LMBRD1: variants seen among roughly 807,000 people sequenced by gnomAD.
The protein encoded by LMBRD1 is lysosomal cobalamin transport escort protein LMBD1.
A neutral mutation model predicts 74.8 loss-of-function variants in LMBRD1; 64 were observed. That is an observed-to-expected ratio of 0.86 (90% confidence interval 0.70 to 1.05). The LOEUF is 1.05. LMBRD1 is among the 50% of genes least tolerant of loss of function. LMBRD1 has a pLI of 0.00. For missense variants in LMBRD1, 652 were observed against 645.9 expected (o/e 1.01, Z -0.10); for synonymous variants, 204 against 216.3 (o/e 0.94, Z 0.50).
intron 14 of LMBRD1, among the ~76,000 whole-genome samples, chr6:69,696,549 C>T (rs1340568795): frequency 5.3e-5 from 8 of 152,220 alleles, no homozygotes; most frequent in South Asian, 2.1e-4. Context: ...CTTGAACACA[C>T]GCCTGTGCAA....
chr6:69,733,837 T>C (rs920465357), intron 7 of LMBRD1, among the ~76,000 whole-genome samples: 1 of 152,190 alleles, frequency 6.6e-6, no homozygotes, highest in Non-Finnish European at 1.5e-5. Flanking sequence ...GCTTTTTGCA[T>C]TTGGTTTATT....
chr6:69,771,295 C>T (rs1303140592), intron 3 of LMBRD1, among the ~76,000 whole-genome samples: 2 of 152,198 alleles, frequency 1.3e-5, no homozygotes, highest in Non-Finnish European at 2.9e-5. Flanking sequence ...TTCAGTTCCT[C>T]ACTAGCTGTT....
chr6:69,754,298 G>A (rs1001034702), intron 3 of LMBRD1, among the ~76,000 whole-genome samples: 45 of 152,088 alleles, frequency 3.0e-4, no homozygotes, highest in African/African-American at 9.6e-4. Context: ...AAAAAAATAC[G>A]GAAAAAATGC....
intron 11 of LMBRD1, 65 bp downstream of exon 11, chr6:69,701,378 T>C (rs1766125859): frequency 1.1e-6 from 1 of 909,516 alleles, no homozygotes; most frequent in Admixed American, 1.8e-5. Flanking sequence ...TGTCAGAATG[T>C]TTGCTAGACT....
intron 7 of LMBRD1, among the ~76,000 whole-genome samples, chr6:69,727,367 G>T (rs1333093469): frequency 6.6e-6 from 1 of 152,080 alleles, no homozygotes; most frequent in East Asian, 1.9e-4. Context: ...AGTGTTCCAA[G>T]GAACATTTCT....
At chr6:69,742,305 C>T (rs1391106454) in intron 5 of LMBRD1, among the ~76,000 whole-genome samples, 1 of 152,086 alleles carries the variant, frequency 6.6e-6, no homozygotes, top group East Asian at 1.9e-4. Flanking sequence ...TTAGAATAAA[C>T]AGTAAATGTC....
chr6:69,746,847 G>C (rs985829142), intron 5 of LMBRD1: 1 of 158,688 alleles, frequency 6.3e-6, no homozygotes, highest in African/African-American at 2.4e-5. Context: ...GCTTCCAAGG[G>C]GTAAGAGCCC....
At chr6:69,786,863 A>G (rs1256260531) in intron 2 of LMBRD1, among the ~76,000 whole-genome samples, 1 of 152,244 alleles carries the variant, frequency 6.6e-6, no homozygotes, top group African/African-American at 2.4e-5. Flanking sequence ...ATTAATATGT[A>G]GAGTTTCCAA....
At chr6:69,724,704 T>G (rs1766690040) in intron 7 of LMBRD1, among the ~76,000 whole-genome samples, 1 of 151,498 alleles carries the variant, frequency 6.6e-6, no homozygotes, top group Non-Finnish European at 1.5e-5. Context: ...AAACTGAGTA[T>G]AGAAGGAATA....
chr6:69,692,279 T>TCG (rs972401428), intron 14 of LMBRD1, among the ~76,000 whole-genome samples: 3 of 62,860 alleles, frequency 4.8e-5, no homozygotes, highest in South Asian at 1.4e-3. Context: ...GTGCGCTCTC[T>TCG]CTCTCTCTCG....
Position 69,676,663 on chromosome 6 carries a change from A to G in LMBRD1, c.1418-122T>C, listed in dbSNP as rs1765553499. ...TAAGATCATATGGCTAGTAAGTGTC[A>G]GAGATGGTACTGAAACTTAGGTCTC... On this transcript the variant is annotated intron_variant, in intron 14 of 15. Transcript: ENST00000649934. 7.4e-6 allele frequency: 6 copies of G among 807,482 alleles called. No homozygotes were observed. The Admixed American group carries it at 1.2e-4, about 16-fold the overall frequency. The allele number at this position is 807,482 out of a possible 1,614,324, so 50.0% of individuals were successfully genotyped here. A position where few individuals can be genotyped will look rare whatever the true frequency, so the allele number is the denominator to read the frequency against.
intron 5 of LMBRD1, among the ~76,000 whole-genome samples, chr6:69,748,681 A>G (rs1240644675): frequency 5.3e-5 from 8 of 152,086 alleles, no homozygotes; most frequent in African/African-American, 9.6e-5. Context: ...TTCCTAACAT[A>G]AAAAATGAGA....
At chr6:69,707,898 G>C (rs536936492) in intron 9 of LMBRD1, among the ~76,000 whole-genome samples, 60 of 152,144 alleles carry the variant, frequency 3.9e-4, no homozygotes, top group African/African-American at 1.4e-3. Context: ...GATGATGGTT[G>C]CACAACATTG....
intron 2 of LMBRD1, among the ~76,000 whole-genome samples, chr6:69,782,391 C>T (rs1397186455): frequency 6.6e-6 from 1 of 152,150 alleles, no homozygotes; most frequent in Non-Finnish European, 1.5e-5. Flanking sequence ...ACCTACTCAG[C>T]TCATATTCTT....
At chr6:69,759,838 A>G (rs1450539211) in intron 3 of LMBRD1, among the ~76,000 whole-genome samples, 2 of 152,284 alleles carry the variant, frequency 1.3e-5, no homozygotes, top group Non-Finnish European at 2.9e-5. Flanking sequence ...TCTTAAATCA[A>G]TAAGAACACA....
chr6:69,792,839 G>A (rs991772823), intron 1 of LMBRD1, among the ~76,000 whole-genome samples: 1 of 152,116 alleles, frequency 6.6e-6, no homozygotes, highest in Non-Finnish European at 1.5e-5. Context: ...GCAAACAAAG[G>A]ATTTTGCCAA....
chr6:69,695,217 A>G (rs1287182136), intron 14 of LMBRD1, among the ~76,000 whole-genome samples: 1 of 151,738 alleles, frequency 6.6e-6, no homozygotes, highest in Non-Finnish European at 1.5e-5. Flanking sequence ...CACTAGTTCC[A>G]TCCCATTATC....
chr6:69,721,583 C>T (rs1250377078), intron 7 of LMBRD1, among the ~76,000 whole-genome samples: 1 of 152,182 alleles, frequency 6.6e-6, no homozygotes, highest in Admixed American at 6.5e-5. Flanking sequence ...CTACCAAGCA[C>T]ATTGTGGGCC....
intron 2 of LMBRD1, among the ~76,000 whole-genome samples, chr6:69,781,997 C>T (rs546286285): frequency 6.6e-5 from 10 of 152,236 alleles, no homozygotes; most frequent in South Asian, 2.1e-4. Flanking sequence ...ACTAATAAAA[C>T]GTGAAAATCC....
Sources: allele counts gnomAD v4.1 joint callset (sites outside exome capture counted in the v4.1 genomes callset), GRCh38; gene constraint gnomAD v4.1.1; transcripts MANE v1.5; gene names NCBI Gene and HGNC (gene_info 2026-07-23, HGNC 2026-07-21).